DMTF1: variants seen among roughly 807,000 people sequenced by gnomAD.
DMTF1 encodes the protein cyclin D binding myb like transcription factor 1, also known as cyclin-D-binding Myb-like transcription factor 1.
A neutral mutation model predicts 91.1 loss-of-function variants in DMTF1; 39 were observed. That is an observed-to-expected ratio of 0.43 (90% CI 0.33 to 0.56). DMTF1 has a LOEUF of 0.56. DMTF1 is among the 20% of genes least tolerant of loss of function. The pLI, the probability that DMTF1 is intolerant of heterozygous loss-of-function variation, is 0.05. For synonymous variants in DMTF1, 338 were observed against 309.5 expected, an observed-to-expected ratio of 1.09 and a Z score of -0.97; for missense variants, 750 against 914.5, an observed-to-expected ratio of 0.82 and a Z score of 2.32.
chr7:87,185,301 CAG>C (rs778144569), intron 11 of DMTF1, among the ~76,000 whole-genome samples: 11 of 152,132 alleles, frequency 7.2e-5, no homozygotes, highest in Non-Finnish European at 1.0e-4. Flanking sequence ...AGAAAACGAA[CAG>C]ATTTTTTTAA....
In DMTF1 at chr7:87,159,800, T is replaced by C. The variant is rs1183799550; in HGVS notation, c.-131-3695T>C. On this transcript the variant is annotated intron_variant, in intron 1 of 17. Transcript: ENST00000331242. ...AGACCTGTACAGCGTGTTACTGTAC[T>C]GAGTACAATGTTAACACAATGGCAA... 2.6e-5 allele frequency among the ~76,000 whole-genome samples: 4 copies of C among 152,260 alleles called. No homozygotes were observed. In the East Asian group the frequency reaches 5.8e-4, roughly 22 times the overall value.
intron 1 of DMTF1, among the ~76,000 whole-genome samples, chr7:87,156,085 T>C (rs557935391): frequency 6.6e-6 from 1 of 152,298 alleles, no homozygotes; most frequent in South Asian, 2.1e-4. Flanking sequence ...TATATGTCCA[T>C]GTAAAGAGCC....
chr7:87,153,160 G>A (rs115370781), intron 1 of DMTF1, among the ~76,000 whole-genome samples: 1 of 151,964 alleles, frequency 6.6e-6, no homozygotes, highest in African/African-American at 2.4e-5. Context: ...CGGGGGTTCA[G>A]CCTTGCTCGG....
rs182476893 is a variant in DMTF1 at position 87,155,003 on chromosome 7, C to T, written c.-132+2448C>T. 5.9e-5 allele frequency among the ~76,000 whole-genome samples: 9 copies of T among 152,206 alleles called. No individual in the cohort carries two copies. The East Asian group carries it at 1.7e-3, about 29-fold the overall frequency. Reference sequence around the variant, plus strand: ...TAATGGTGTAATAAACTTACATGTCCTGAAAATAACATCTCATTATTTTAA... The same window carrying T: ...TAATGGTGTAATAAACTTACATGTCTTGAAAATAACATCTCATTATTTTAA... On this transcript the variant is annotated intron_variant, in intron 1 of 17. Transcript: ENST00000331242.
chr7:87,191,116 TAA>T (rs1488041903), intron 14 of DMTF1, 89 bp downstream of exon 14: 1 of 862,132 alleles, frequency 1.2e-6, no homozygotes, highest in Non-Finnish European at 1.8e-6. Context: ...TTATGATTCA[TAA>T]AAGTCTGAGG....
intron 5 of DMTF1, among the ~76,000 whole-genome samples, chr7:87,173,269 A>G (rs1458917421): frequency 6.6e-6 from 1 of 152,184 alleles, no homozygotes; most frequent in African/African-American, 2.4e-5. Flanking sequence ...ACTGAAGCCA[A>G]TAGTACATTT....
chr7:87,190,509 C>T (rs907639892), intron 13 of DMTF1, among the ~76,000 whole-genome samples: 2 of 151,938 alleles, frequency 1.3e-5, no homozygotes, highest in Non-Finnish European at 2.9e-5. Context: ...TACTTCCTAC[C>T]GTTAGAAACA....
intron 16 of DMTF1, 107 bp from the exon 17 acceptor site, chr7:87,194,577 T>A: frequency 1.3e-6 from 1 of 756,428 alleles, no homozygotes; most frequent in Non-Finnish European, 2.0e-6. Context: ...TATATTCTGA[T>A]TTTTAAATGG....
intron 4 of DMTF1, among the ~76,000 whole-genome samples, chr7:87,168,389 A>AT (rs978170917): frequency 4.6e-5 from 7 of 152,096 alleles, no homozygotes; most frequent in African/African-American, 1.7e-4. Context: ...ACTAGAGTCC[A>AT]TTTGTGATCT....
intron 4 of DMTF1, among the ~76,000 whole-genome samples, chr7:87,170,338 TAA>T (rs1167237398): frequency 6.6e-6 from 1 of 152,178 alleles, no homozygotes; most frequent in African/African-American, 2.4e-5. Context: ...CCTCTTAAAA[TAA>T]AAGATTATAT....
rs140053946 is a variant in DMTF1 at position 87,179,549 on chromosome 7, G to A, written c.524G>A (p.Arg175His). Residue 175 changes from arginine (R) to histidine (H), a missense_variant, in exon 8 of 18, where the codon CGC becomes CAC. Transcript: ENST00000331242. ...AAAGAAATGTAACCCATTTAGGCAC[G>A]CGGAATAAAAGATGCTACAGAAATC... Reference protein sequence around the residue: ...MNNIERYLKARGIKDATEIIF... With the variant: ...MNNIERYLKAHGIKDATEIIF... The A allele has an allele frequency of 1.0e-4, 156 of 1,517,286 alleles. 1 individual carries two copies. The African/African-American group carries it at 2.0e-3, about 19-fold the overall frequency. The allele number at this position is 1,517,286 out of a possible 1,614,324, so 94.0% of individuals were successfully genotyped here.
chr7:87,179,823 C>T (rs1162687484), intron 8 of DMTF1, 121 bp downstream of exon 8: 6 of 918,388 alleles, frequency 6.5e-6, no homozygotes, highest in Non-Finnish European at 9.5e-6. Flanking sequence ...TATTTTTATC[C>T]TCCAGGTCCA....
At chr7:87,173,843 GTAAT>G (rs1316570387) in intron 6 of DMTF1, among the ~76,000 whole-genome samples, 194 bp downstream of exon 6, 3 of 152,154 alleles carry the variant, frequency 2.0e-5, no homozygotes, top group African/African-American at 7.2e-5. Context: ...TTGTTTTTCA[GTAAT>G]TAATTATTTC....
intron 10 of DMTF1, among the ~76,000 whole-genome samples, chr7:87,183,059 A>T (rs1004998721): frequency 2.0e-5 from 3 of 152,162 alleles, no homozygotes; most frequent in Admixed American, 2.0e-4. Context: ...TCTCTGAAGG[A>T]TCCACAATCC....
intron 8 of DMTF1, among the ~76,000 whole-genome samples, chr7:87,180,035 CTATT>C (rs1797004310): frequency 6.6e-6 from 1 of 152,002 alleles, no homozygotes; most frequent in South Asian, 2.1e-4. Context: ...AACATTTTTC[CTATT>C]TATTTTTAGA....
intron 12 of DMTF1, 27 bp downstream of exon 12, chr7:87,186,007 C>A (rs767507000): frequency 6.2e-7 from 1 of 1,612,634 alleles, no homozygotes; most frequent in East Asian, 2.2e-5. Context: ...TTTTTAAGCT[C>A]CTCCCCTTTT....
At chr7:87,174,705 GTTTA>G (rs1190989122) in intron 7 of DMTF1, 36 bp downstream of exon 7, 5 of 1,476,310 alleles carry the variant, frequency 3.4e-6, no homozygotes, top group Non-Finnish European at 3.8e-6. Flanking sequence ...TCACCAATTT[GTTTA>G]TTGCCAATTG....
Position 87,195,231 on chromosome 7 carries a change from T to A in DMTF1, c.*91T>A. 1.2e-6 allele frequency: 1 copy of A among 859,642 alleles called. No individual in the cohort carries two copies. Among genetic ancestry groups the A allele is most frequent in the Non-Finnish European group, 1.8e-6 (1 of 542,102 alleles). The allele number at this position is 859,642 out of a possible 1,614,324, so 53.3% of individuals were successfully genotyped here. ...AAATAGGAGCAACCCCCAAGAGGCT[T>A]AATTTACCAATTTAAATAGCCACAG... On this transcript the variant is annotated 3_prime_UTR_variant, in exon 18 of 18. Transcript: ENST00000331242.
chr7:87,194,657 CAA>C (rs1327759878), intron 16 of DMTF1, 25 bp from the exon 17 acceptor site: 2 of 1,542,562 alleles, frequency 1.3e-6, no homozygotes, highest in Non-Finnish European at 1.8e-6. Context: ...GAATATGAGT[CAA>C]TATTTTTTTT....
Sources: gnomAD v4.1 joint callset for allele counts (sites outside exome capture counted in the v4.1 genomes callset) on GRCh38, gnomAD v4.1.1 for gene constraint, MANE v1.5 for transcripts, NCBI Gene and HGNC (gene_info 2026-07-23, HGNC 2026-07-21) for gene names.